The following CBLB variants were observed in gnomAD, a reference collection of about 807,000 sequenced individuals.
CBLB encodes Cbl proto-oncogene B.
CBLB carries 31 observed loss-of-function variants against 104.9 expected under a neutral mutation model. The observed-to-expected ratio is 0.30, with a 90% confidence interval of 0.22 to 0.40. The LOEUF is 0.40. Ranked by LOEUF, CBLB falls within the 10% of genes least tolerant of loss-of-function variation. The pLI is 1.00. For synonymous variants in CBLB, 440 were observed against 422.6 expected, an observed-to-expected ratio of 1.04 and a Z score of -0.51; for missense variants, 1,062 against 1,214.6, an observed-to-expected ratio of 0.87 and a Z score of 1.87.
chr3:105,805,744 G>A (rs2083418952), intron 3 of CBLB, among the ~76,000 whole-genome samples: 1 of 152,052 alleles, frequency 6.6e-6, no homozygotes, highest in Non-Finnish European at 1.5e-5. Flanking sequence ...TCATCTCCTA[G>A]TGAAACTATC....
At position 105,737,237 on chromosome 3, in the gene CBLB, C is replaced by T; in HGVS notation, c.1005G>A (p.Arg335=). The change falls in exon 8 of 19, where the codon AGG becomes AGA. Residue 335 remains arginine, a synonymous_variant. Transcript: ENST00000394030. ...REGFYLYPDG[R]SYNPDLTGLC... ...ATCCAGTTAAATCAGGATTATAACTCCTCCCATCAGGATAAAGATAACTGA... is the reference window on the plus strand; with the variant it reads ...ATCCAGTTAAATCAGGATTATAACTTCTCCCATCAGGATAAAGATAACTGA... The T allele has an allele frequency of 6.3e-7, 1 of 1,574,894 alleles. No individual in the cohort carries two copies. Among genetic ancestry groups the T allele is most frequent in the Non-Finnish European group, 8.7e-7 (1 of 1,147,668 alleles).
chr3:105,682,903 T>A (rs1553712724), intron 14 of CBLB, among the ~76,000 whole-genome samples: 1 of 152,192 alleles, frequency 6.6e-6, no homozygotes, highest in Non-Finnish European at 1.5e-5. Flanking sequence ...GGAGCATATT[T>A]TGCCTTCAGC....
chr3:105,711,426 C>T (rs2071058288), intron 10 of CBLB, among the ~76,000 whole-genome samples: 1 of 151,760 alleles, frequency 6.6e-6, no homozygotes, highest in African/African-American at 2.4e-5. Context: ...GTGAACAAAA[C>T]AAAAATCAAG....
intron 4 of CBLB, among the ~76,000 whole-genome samples, chr3:105,767,933 C>G (rs2078410282): frequency 6.6e-6 from 1 of 152,172 alleles, no homozygotes; most frequent in Non-Finnish European, 1.5e-5. Flanking sequence ...CATGCCAAAC[C>G]CTAAGTATGC....
At chr3:105,834,891 A>G (rs1237326718) in intron 3 of CBLB, among the ~76,000 whole-genome samples, 1 of 152,210 alleles carries the variant, frequency 6.6e-6, no homozygotes, top group Admixed American at 6.5e-5. Flanking sequence ...CTCAAAGGAA[A>G]AGATCATCCA....
intron 3 of CBLB, among the ~76,000 whole-genome samples, chr3:105,779,880 T>G (rs2079965472): frequency 6.6e-6 from 1 of 151,910 alleles, no homozygotes; most frequent in African/African-American, 2.4e-5. Context: ...TGAGATGGAG[T>G]TTTGCTCTTG....
chr3:105,866,661 T>C (rs1042025633), intron 2 of CBLB, among the ~76,000 whole-genome samples: 2 of 152,204 alleles, frequency 1.3e-5, no homozygotes, highest in African/African-American at 4.8e-5. Flanking sequence ...AGTAAATCTC[T>C]GTAAGGTATT....
intron 3 of CBLB, among the ~76,000 whole-genome samples, chr3:105,809,962 A>G (rs551987720): frequency 6.6e-6 from 1 of 152,374 alleles, no homozygotes; most frequent in East Asian, 1.9e-4. Flanking sequence ...AAGCTAGCAT[A>G]GCAAACTAGC....
In CBLB at chr3:105,793,623, AG is replaced by A. The variant is rs1419034821; in HGVS notation, c.420-17082del. 3.9e-5 allele frequency among the ~76,000 whole-genome samples: 6 copies of A among 152,288 alleles called. No homozygotes were observed. In the East Asian group the frequency reaches 1.2e-3, roughly 29 times the overall value. On this transcript the variant is annotated intron_variant, in intron 3 of 18. Transcript: ENST00000394030. ...CAAGAAGAACAAGGAAAAGAATCTC[AG>A]GAAAAAAAAAGTATCCATTTAAATG... is the stretch of plus-strand genomic sequence containing the variant.
In CBLB at chr3:105,868,869, A is replaced by G; in HGVS notation, c.-148T>C. ...ACAGCTCGCTCCCGAAGAAGGAGCA[A>G]CCCAGCGCGCAGGCCTCCGAGACGT... is the stretch of plus-strand genomic sequence containing the variant. On this transcript the variant is annotated 5_prime_UTR_variant, in exon 1 of 19. Coordinates refer to ENST00000394030, the MANE Select transcript of CBLB (RefSeq NM_170662.5). 13 of 1,015,818 alleles carry G rather than the reference A, an allele frequency of 1.3e-5. No individual in the cohort carries two copies. Among genetic ancestry groups the G allele is most frequent in the Non-Finnish European group, 1.5e-5 (13 of 850,388 alleles). The allele number at this position is 1,015,818 out of a possible 1,614,324, so 62.9% of individuals were successfully genotyped here.
chr3:105,678,314 T>G, intron 17 of CBLB, 117 bp downstream of exon 17: 1 of 1,012,400 alleles, frequency 9.9e-7, no homozygotes, highest in Non-Finnish European at 1.5e-6. Flanking sequence ...CACCCAGGGA[T>G]TTTTCTGTTC....
At chr3:105,690,094 A>G (rs917788951) in intron 13 of CBLB, among the ~76,000 whole-genome samples, 1 of 152,218 alleles carries the variant, frequency 6.6e-6, no homozygotes, top group Non-Finnish European at 1.5e-5. Context: ...ATATTTAACA[A>G]TTCTATTTCA....
intron 4 of CBLB, among the ~76,000 whole-genome samples, chr3:105,754,559 G>GAGAA (rs1412290159): frequency 5.6e-5 from 8 of 142,938 alleles, no homozygotes; most frequent in South Asian, 2.3e-4. Context: ...GAGAGAGAGA[G>GAGAA]AAAATAAAAA....
intron 13 of CBLB, among the ~76,000 whole-genome samples, chr3:105,687,412 C>A (rs1283659766): frequency 6.6e-6 from 1 of 151,910 alleles, no homozygotes; most frequent in Non-Finnish European, 1.5e-5. Context: ...AGTAATTTCC[C>A]CCACTCTTTT....
intron 5 of CBLB, among the ~76,000 whole-genome samples, chr3:105,746,537 C>G (rs1351675620): frequency 6.6e-6 from 1 of 152,162 alleles, no homozygotes; most frequent in African/African-American, 2.4e-5. Flanking sequence ...AGCCCTCTTC[C>G]CCCTCAGAGA....
intron 1 of CBLB, chr3:105,868,240 TGAAAAGA>T (rs756557051): frequency 2.4e-4 from 299 of 1,231,532 alleles, no homozygotes; most frequent in Non-Finnish European, 2.9e-4. Context: ...ATAGCCCATT[TGAAAAGA>T]GAAAAGAGAA....
chr3:105,795,976 C>G (rs967911223), intron 3 of CBLB, among the ~76,000 whole-genome samples: 1 of 152,090 alleles, frequency 6.6e-6, no homozygotes, highest in African/African-American at 2.4e-5. Flanking sequence ...CCCACCTCGG[C>G]CTCCCAAAGT....
chr3:105,741,105 T>G (rs1230087122), intron 6 of CBLB, among the ~76,000 whole-genome samples: 1 of 147,324 alleles, frequency 6.8e-6, no homozygotes, highest in Admixed American at 6.7e-5. Context: ...GTTTTTTTTT[T>G]TTTTTTTTTT....
chr3:105,664,081 A>C (rs1312113987), intron 18 of CBLB, among the ~76,000 whole-genome samples: 1 of 152,142 alleles, frequency 6.6e-6, no homozygotes, highest in African/African-American at 2.4e-5. Flanking sequence ...CATCATCTAA[A>C]GATTGGGTTG....
Sources: gnomAD v4.1 joint callset for allele counts (sites outside exome capture counted in the v4.1 genomes callset) on GRCh38, gnomAD v4.1.1 for gene constraint, MANE v1.5 for transcripts, NCBI Gene and HGNC (gene_info 2026-07-23, HGNC 2026-07-21) for gene names.